PDE1C: variants seen among roughly 807,000 people sequenced by gnomAD.
The protein encoded by PDE1C is dual specificity calcium/calmodulin-dependent 3',5'-cyclic nucleotide phosphodiesterase 1C.
Under a neutral mutation model 93.1 loss-of-function variants are expected in PDE1C, and 62 were observed. The observed-to-expected ratio is 0.67, with a 90% CI of 0.54 to 0.82. The LOEUF (loss-of-function observed/expected upper bound fraction) is 0.82, where lower values mean the gene tolerates loss of function less well. Ranked by LOEUF, PDE1C falls within the 40% of genes least tolerant of loss-of-function variation. The pLI is 0.00. For synonymous variants in PDE1C, 325 were observed against 310.1 expected, an observed-to-expected ratio of 1.05 and a Z score of -0.50; for missense variants, 742 against 884.6, an observed-to-expected ratio of 0.84 and a Z score of 2.04.
In PDE1C at chr7:32,320,170, A is replaced by G. The variant is rs565265882; in HGVS notation, c.310+107652T>C. ...TAATAACATTTTGTAAAGTTTACTA[A>G]GGTTTGTGTTTCATTTTGTATGTGC... On this transcript the variant is annotated intron_variant, in intron 1 of 1. Transcript: ENST00000672256. Among the ~76,000 whole-genome samples the G allele has an allele frequency of 3.2e-4, 48 of 152,310 alleles. 2 individuals carry two copies. The South Asian group carries it at 6.2e-3, about 20-fold the overall frequency.
intron 1 of PDE1C, among the ~76,000 whole-genome samples, chr7:32,283,317 G>A (rs1224048808): frequency 1.3e-5 from 2 of 152,124 alleles, no homozygotes; most frequent in Non-Finnish European, 2.9e-5. Flanking sequence ...AGTAATAAAT[G>A]TACATTCATT....
the PDE1C span, among the ~76,000 whole-genome samples, chr7:31,660,037 G>T: frequency 6.6e-6 from 1 of 152,090 alleles, no homozygotes; most frequent in African/African-American, 2.4e-5. Flanking sequence ...TTTATAAGGT[G>T]CATTTCCCCC....
the PDE1C span, among the ~76,000 whole-genome samples, chr7:31,683,225 A>G: frequency 6.6e-6 from 1 of 152,194 alleles, no homozygotes; most frequent in Non-Finnish European, 1.5e-5. Flanking sequence ...AAATGTCACC[A>G]TCAGGGGAAA....
chr7:31,900,856 T>C (rs568696718), intron 2 of PDE1C, among the ~76,000 whole-genome samples: 206 of 151,940 alleles, frequency 1.4e-3, no homozygotes, highest in Non-Finnish European at 2.5e-3. Context: ...CCAAGAATGG[T>C]TCAATATTTT....
rs182574948 is a variant in PDE1C at position 32,201,365 on chromosome 7, C to T, written c.136+8124G>A. 2.9e-3 allele frequency among the ~76,000 whole-genome samples: 438 copies of T among 152,184 alleles called. 1 individual carries two copies. Among genetic ancestry groups the T allele is most frequent in the African/African-American group, 9.8e-3 (408 of 41,516 alleles). On this transcript the variant is annotated intron_variant, in intron 2 of 18. Coordinates refer to the PDE1C transcript ENST00000396193. Reference sequence around the variant, plus strand: ...GCCAAGTCACGTCTTCCTTGCCCTCCCTGGGGTTACATTACATACAAAAAA... The same window carrying T: ...GCCAAGTCACGTCTTCCTTGCCCTCTCTGGGGTTACATTACATACAAAAAA...
intron 17 of PDE1C, among the ~76,000 whole-genome samples, chr7:31,760,323 G>T (rs987347797): frequency 6.6e-6 from 1 of 152,234 alleles, no homozygotes; most frequent in Middle Eastern, 3.4e-3. Flanking sequence ...TTATCATATG[G>T]TATCACACTA....
chr7:32,161,354 C>T (rs181514378), intron 3 of PDE1C, among the ~76,000 whole-genome samples: 137 of 152,282 alleles, frequency 9.0e-4, no homozygotes, highest in African/African-American at 3.1e-3. Flanking sequence ...GGGCTACACC[C>T]GTGATCTCAC....
chr7:32,146,159 A>G (rs1261775677), intron 3 of PDE1C, among the ~76,000 whole-genome samples: 1 of 152,148 alleles, frequency 6.6e-6, no homozygotes, highest in African/African-American at 2.4e-5. Context: ...GTGCCCTGTC[A>G]TGGTGCCTGA....
At chr7:31,863,287 C>T (rs936553152) in intron 7 of PDE1C, among the ~76,000 whole-genome samples, 1 of 152,080 alleles carries the variant, frequency 6.6e-6, no homozygotes, top group African/African-American at 2.4e-5. Flanking sequence ...TAGGAGAGCT[C>T]TTTTGTCTAG....
chr7:32,417,670 T>TAAAAAAAA (rs200338870), intron 1 of PDE1C, among the ~76,000 whole-genome samples: 1 of 112,410 alleles, frequency 8.9e-6, no homozygotes, highest in African/African-American at 3.0e-5. Context: ...CCCAATTTAG[T>TAAAAAAAA]AAAAAAAAAA....
chr7:32,303,654 G>T (rs1812929963), upstream of PDE1C, among the ~76,000 whole-genome samples: 1 of 152,140 alleles, frequency 6.6e-6, no homozygotes, highest in Non-Finnish European at 1.5e-5. Flanking sequence ...TAAAAAGTGT[G>T]TGCTTACATA....
chr7:31,853,528 T>C (rs1458309781), intron 7 of PDE1C, among the ~76,000 whole-genome samples: 2 of 152,062 alleles, frequency 1.3e-5, no homozygotes, highest in African/African-American at 2.4e-5. Context: ...AGAAGGCTGA[T>C]TGAGGCCCTA....
chr7:32,102,188 G>A (rs1798073773), intron 3 of PDE1C, among the ~76,000 whole-genome samples: 1 of 152,138 alleles, frequency 6.6e-6, no homozygotes, highest in Non-Finnish European at 1.5e-5. Context: ...AGATCTTATA[G>A]TAGTTAGAAA....
chr7:32,264,889 T>C (rs1810459530), intron 1 of PDE1C, among the ~76,000 whole-genome samples: 1 of 152,236 alleles, frequency 6.6e-6, no homozygotes, highest in Non-Finnish European at 1.5e-5. Context: ...TTTTCCAAAA[T>C]GCCCAAACAG....
At chr7:31,998,309 A>G (rs79011108) in intron 2 of PDE1C, among the ~76,000 whole-genome samples, 3,139 of 152,236 alleles carry the variant, frequency 0.021, 71 homozygotes, top group African/African-American at 0.066. Context: ...GTGAGCCACC[A>G]CACCCAGCCA....
chr7:32,256,422 T>A (rs533139135), intron 1 of PDE1C, among the ~76,000 whole-genome samples: 4 of 152,166 alleles, frequency 2.6e-5, no homozygotes, highest in Non-Finnish European at 5.9e-5. Context: ...GAGCCAGTTG[T>A]ATGGTGGCAA....
chr7:31,963,445 A>G (rs2129035977), intron 2 of PDE1C, among the ~76,000 whole-genome samples: 1 of 152,310 alleles, frequency 6.6e-6, no homozygotes, highest in South Asian at 2.1e-4. Context: ...TTCAGTCTTT[A>G]TGTCCCACAG....
At chr7:31,801,269 A>G (rs1785994489) in intron 16 of PDE1C, among the ~76,000 whole-genome samples, 1 of 151,308 alleles carries the variant, frequency 6.6e-6, no homozygotes, top group African/African-American at 2.4e-5. Context: ...CGCATATAAA[A>G]AATGAGAGTG....
intron 2 of PDE1C, among the ~76,000 whole-genome samples, chr7:31,889,674 A>T (rs1486775201): frequency 2.0e-5 from 3 of 152,198 alleles, no homozygotes; most frequent in Admixed American, 2.0e-4. Context: ...GTATGTGGGC[A>T]ACTGTGTGTC....
Sources: allele counts gnomAD v4.1 joint callset (sites outside exome capture counted in the v4.1 genomes callset), GRCh38; gene constraint gnomAD v4.1.1; transcripts MANE v1.5; gene names NCBI Gene and HGNC (gene_info 2026-07-23, HGNC 2026-07-21).